Variants in DNAH5 observed in about 807,000 individuals in gnomAD.
The protein encoded by DNAH5 is axonemal beta dynein heavy chain 5.
DNAH5 carries 372 observed loss-of-function variants against 518.2 expected under a neutral mutation model. That is an observed-to-expected ratio of 0.72 (90% CI 0.66 to 0.78). The LOEUF (loss-of-function observed/expected upper bound fraction) is 0.78, where lower values mean the gene tolerates loss of function less well. Ranked by LOEUF, DNAH5 falls within the 30% of genes least tolerant of loss-of-function variation. The pLI is 0.00. For missense variants in DNAH5, 5,523 were observed against 5,687.0 expected, an observed-to-expected ratio of 0.97 and a Z score of 0.93; for synonymous variants, 2,039 against 2,025.9, an observed-to-expected ratio of 1.01 and a Z score of -0.17.
chr5:13,951,208 G>GT lies in DNAH5; in HGVS notation c.13-19965dup, dbSNP rs869082404. Among the ~76,000 whole-genome samples the GT allele has an allele frequency of 5.8e-3, 389 of 66,596 alleles. 59 individuals carry two copies. Among genetic ancestry groups the GT allele is most frequent in the African/African-American group, 0.016 (239 of 15,354 alleles). The allele number at this position is 66,596 out of a possible 152,430, so 43.7% of individuals were successfully genotyped here. A position where few individuals can be genotyped will look rare whatever the true frequency, so the allele number is the denominator to read the frequency against. On this transcript the variant is annotated intron_variant, in intron 1 of 78. Transcript: ENST00000681290. Reference sequence around the variant, plus strand: ...CTTTTGTTTTTTTTTTGTTTTTTTCGTTTTTTTTTTTTTTTTTTTTTTTTT... The same window carrying GT: ...CTTTTGTTTTTTTTTTGTTTTTTTCGTTTTTTTTTTTTTTTTTTTTTTTTTT...
intron 65 of DNAH5, among the ~76,000 whole-genome samples, chr5:13,741,188 C>T (rs1332777548): frequency 1.3e-5 from 2 of 152,114 alleles, no homozygotes; most frequent in African/African-American, 4.8e-5. Context: ...TGCATGAAGG[C>T]AAACAGCAAA....
At chr5:13,778,050 T>C (rs1469757090) in intron 53 of DNAH5, among the ~76,000 whole-genome samples, 6 of 152,166 alleles carry the variant, frequency 3.9e-5, no homozygotes, top group Non-Finnish European at 8.8e-5. Flanking sequence ...ATCCCAATTC[T>C]GGAGACTCAG....
chr5:13,931,840 A>C (rs1432207714), intron 1 of DNAH5, among the ~76,000 whole-genome samples: 1 of 152,204 alleles, frequency 6.6e-6, no homozygotes, highest in Non-Finnish European at 1.5e-5. Flanking sequence ...GCACACACCT[A>C]TATTTACATC....
At chr5:13,955,922 A>C (rs576221391) in intron 1 of DNAH5, among the ~76,000 whole-genome samples, 18 of 152,332 alleles carry the variant, frequency 1.2e-4, no homozygotes, top group African/African-American at 4.3e-4. Context: ...ACAGGAGAAA[A>C]GCAAGACATG....
At chr5:13,974,890 G>A (rs1231595890) in intron 1 of DNAH5, among the ~76,000 whole-genome samples, 1 of 152,150 alleles carries the variant, frequency 6.6e-6, no homozygotes, top group Non-Finnish European at 1.5e-5. Context: ...AGCTGGTATC[G>A]GTGGCCAGGA....
chr5:13,771,189 A>T, intron 55 of DNAH5: 1 of 567,208 alleles, frequency 1.8e-6, no homozygotes, highest in Non-Finnish European at 3.1e-6. Context: ...CTATAAAAAC[A>T]CTTTAAGCCT....
At chr5:13,742,773 G>T (rs1484158510) in intron 65 of DNAH5, among the ~76,000 whole-genome samples, 1 of 151,998 alleles carries the variant, frequency 6.6e-6, no homozygotes, top group African/African-American at 2.4e-5. Flanking sequence ...CCCAAAGTTT[G>T]AAACGGATGA....
At chr5:13,921,430 CTCTCTG>C (rs1311181954) in intron 5 of DNAH5, among the ~76,000 whole-genome samples, 1 of 94,588 alleles carries the variant, frequency 1.1e-5, no homozygotes. Flanking sequence ...CTCTCCCTCT[CTCTCTG>C]TCTCTCTCTC....
At chr5:13,715,895 G>A (rs1041463656) in intron 74 of DNAH5, among the ~76,000 whole-genome samples, 1 of 152,190 alleles carries the variant, frequency 6.6e-6, no homozygotes, top group Non-Finnish European at 1.5e-5. Context: ...CGTGGATAGA[G>A]GCCTGGGATG....
Position 13,819,062 on chromosome 5 carries a change from G to A in DNAH5, c.6841+1284C>T, listed in dbSNP as rs114422708. Among the ~76,000 whole-genome samples the A allele has an allele frequency of 4.1e-3, 631 of 152,252 alleles. 6 individuals are homozygous for A. The highest frequency in any genetic ancestry group is 0.015 in the African/African-American group (609 of 41,538). The stretch of plus-strand genomic sequence containing the variant: ...ATAATTTAGATATACCATACATAAT[G>A]TATCTATATTGTTTAATATTTAGTA... On this transcript the variant is annotated intron_variant, in intron 41 of 78. Transcript: ENST00000265104.
At chr5:13,979,222 C>T (rs577569356) in intron 1 of DNAH5, among the ~76,000 whole-genome samples, 3 of 152,246 alleles carry the variant, frequency 2.0e-5, no homozygotes, top group Admixed American at 1.3e-4. Flanking sequence ...CAGCAAGTCC[C>T]TCCTCAAACA....
chr5:13,874,160 G>A (rs1770535803), intron 22 of DNAH5, among the ~76,000 whole-genome samples: 1 of 152,304 alleles, frequency 6.6e-6, no homozygotes, highest in South Asian at 2.1e-4. Flanking sequence ...ATGACCTGAA[G>A]TGTTGACATG....
chr5:13,963,701 G>A (rs1350575607), intron 1 of DNAH5, among the ~76,000 whole-genome samples: 4 of 151,822 alleles, frequency 2.6e-5, no homozygotes, highest in South Asian at 2.1e-4. Context: ...TCTTATACCC[G>A]AACATTAATA....
intron 1 of DNAH5, among the ~76,000 whole-genome samples, chr5:13,977,270 G>C (rs1782325732): frequency 6.6e-6 from 1 of 152,098 alleles, no homozygotes; most frequent in Admixed American, 6.5e-5. Context: ...TCAGGTGGAG[G>C]CTTGCCCAGG....
At chr5:13,885,873 G>T in intron 18 of DNAH5, 91 bp downstream of exon 18, 1 of 1,171,068 alleles carries the variant, frequency 8.5e-7, no homozygotes, top group Non-Finnish European at 1.2e-6. Context: ...GTTTATAGAA[G>T]TATGAAATTA....
At chr5:14,000,582 G>A (rs2152082912) in intron 1 of DNAH5, among the ~76,000 whole-genome samples, 1 of 149,894 alleles carries the variant, frequency 6.7e-6, no homozygotes, top group South Asian at 2.1e-4. Flanking sequence ...TTTTAATGGA[G>A]TTACTTGTGA....
chr5:13,745,468 C>A (rs553655557), intron 65 of DNAH5, among the ~76,000 whole-genome samples: 1 of 152,048 alleles, frequency 6.6e-6, no homozygotes, highest in Non-Finnish European at 1.5e-5. Context: ...AAGGTTTACA[C>A]GTGTTTCTGA....
intron 26 of DNAH5, 137 bp downstream of exon 26, chr5:13,866,083 C>T: frequency 5.4e-6 from 5 of 918,996 alleles, no homozygotes; most frequent in Middle Eastern, 2.5e-4. Flanking sequence ...TGTAATCCTA[C>T]AATATCGTAT....
intron 65 of DNAH5, 148 bp from the exon 66 acceptor site, chr5:13,737,643 G>T: frequency 1.1e-6 from 1 of 903,258 alleles, no homozygotes; most frequent in Non-Finnish European, 1.7e-6. Flanking sequence ...AAAAAAGAAG[G>T]GCCGGGCGCA....
Sources: gnomAD v4.1 joint callset for allele counts (sites outside exome capture counted in the v4.1 genomes callset) on GRCh38, gnomAD v4.1.1 for gene constraint, MANE v1.5 for transcripts, NCBI Gene and HGNC (gene_info 2026-07-23, HGNC 2026-07-21) for gene names.